The following DLG2 variants were observed in gnomAD, a reference collection of about 807,000 sequenced individuals.
DLG2 encodes discs large MAGUK scaffold protein 2, also known as disks large homolog 2.
A neutral mutation model predicts 132.5 loss-of-function variants in DLG2; 45 were observed. The ratio of observed to expected loss-of-function variants is 0.34; its 90% CI spans 0.27 to 0.44. The LOEUF is 0.44. Ranked by LOEUF, DLG2 falls within the 20% of genes least tolerant of loss-of-function variation. The pLI is 1.00. For synonymous variants in DLG2, 424 were observed against 419.6 expected (o/e 1.01, Z -0.13); for missense variants, 1,045 against 1,196.9 (o/e 0.87, Z 1.87).
intron 6 of DLG2, among the ~76,000 whole-genome samples, chr11:85,007,664 CAAAAAAAAAAA>C (rs57188165): frequency 1.1e-5 from 1 of 88,532 alleles, no homozygotes; most frequent in Non-Finnish European, 2.2e-5. Flanking sequence ...GACTCCGTCT[CAAAAAAAAAAA>C]AAAAAAAAAA....
At chr11:85,064,711 T>C (rs2064641132) in intron 6 of DLG2, among the ~76,000 whole-genome samples, 1 of 151,672 alleles carries the variant, frequency 6.6e-6, no homozygotes, top group Non-Finnish European at 1.5e-5. Context: ...ATGATTAGCA[T>C]TCAGAATCAG....
intron 6 of DLG2, among the ~76,000 whole-genome samples, chr11:84,655,447 A>G (rs957541853): frequency 6.6e-6 from 1 of 152,166 alleles, no homozygotes; most frequent in African/African-American, 2.4e-5. Context: ...ATCCTGAGTG[A>G]TTTACTAGAG....
At chr11:84,934,546 T>TTTTTTTTTTTTTTG (rs1183459468) in intron 6 of DLG2, among the ~76,000 whole-genome samples, 8 of 128,724 alleles carry the variant, frequency 6.2e-5, no homozygotes, top group Non-Finnish European at 1.1e-4. Context: ...TTTTTTTTTT[T>TTTTTTTTTTTTTTG]GGTGGGTAGG....
intron 3 of DLG2, 70 bp from the exon 4 acceptor site, chr11:85,285,435 T>G: frequency 7.0e-7 from 1 of 1,425,406 alleles, no homozygotes; most frequent in Non-Finnish European, 9.6e-7. Context: ...TGCATATATG[T>G]CCATATATAG....
At chr11:84,157,075 A>G (rs973128706) in intron 9 of DLG2, among the ~76,000 whole-genome samples, 2 of 152,108 alleles carry the variant, frequency 1.3e-5, no homozygotes, top group Non-Finnish European at 2.9e-5. Flanking sequence ...TAGTGACAGG[A>G]ATAAAAAAAC....
At chr11:84,312,635 G>A (rs1387878293) in intron 7 of DLG2, among the ~76,000 whole-genome samples, 1 of 151,986 alleles carries the variant, frequency 6.6e-6, no homozygotes, top group African/African-American at 2.4e-5. Context: ...AGCACTCTCT[G>A]AAATTTTGCT....
chr11:84,928,137 G>A (rs2047624102), intron 6 of DLG2, among the ~76,000 whole-genome samples: 4 of 151,908 alleles, frequency 2.6e-5, no homozygotes. Context: ...TGTTGTAAAT[G>A]AGATAATTTT....
At chr11:83,621,667 T>G (rs889575739) in intron 19 of DLG2, among the ~76,000 whole-genome samples, 1 of 152,118 alleles carries the variant, frequency 6.6e-6, no homozygotes, top group African/African-American at 2.4e-5. Context: ...ATATGCTTAA[T>G]TTGTAAAAAA....
At chr11:85,615,718 T>C (rs1176346771) in intron 2 of DLG2, among the ~76,000 whole-genome samples, 2 of 152,196 alleles carry the variant, frequency 1.3e-5, no homozygotes, top group Non-Finnish European at 1.5e-5. Flanking sequence ...TTTAGCATCT[T>C]TGGAGGAGAA....
chr11:84,608,567 A>G (rs1242117161), intron 6 of DLG2, among the ~76,000 whole-genome samples: 1 of 152,160 alleles, frequency 6.6e-6, no homozygotes, highest in East Asian at 1.9e-4. Context: ...AAATTTGGAA[A>G]GTTGGCAAGG....
intron 6 of DLG2, among the ~76,000 whole-genome samples, chr11:84,564,073 G>C (rs755498261): frequency 6.6e-6 from 1 of 152,190 alleles, no homozygotes; most frequent in South Asian, 2.1e-4. Context: ...GGAAAAGAAA[G>C]AAGTCAGATG....
At chr11:84,519,955 A>G (rs2099290262) in intron 7 of DLG2, among the ~76,000 whole-genome samples, 1 of 152,174 alleles carries the variant, frequency 6.6e-6, no homozygotes, top group Non-Finnish European at 1.5e-5. Flanking sequence ...GAAAGGGGTC[A>G]TAGTTTTTCA....
At chr11:84,539,703 G>A (rs779352442) in intron 6 of DLG2, among the ~76,000 whole-genome samples, 2 of 152,132 alleles carry the variant, frequency 1.3e-5, no homozygotes, top group Non-Finnish European at 2.9e-5. Context: ...AGCATGGAAG[G>A]TACGTTAAAG....
chr11:85,579,639 G>A, intron 3 of DLG2, among the ~76,000 whole-genome samples: 1 of 152,216 alleles, frequency 6.6e-6, no homozygotes, highest in South Asian at 2.1e-4. Flanking sequence ...CATGATATGG[G>A]GTAGCTTCAG....
intron 6 of DLG2, among the ~76,000 whole-genome samples, chr11:84,967,730 T>A (rs1193598652): frequency 6.6e-6 from 1 of 152,100 alleles, no homozygotes; most frequent in Non-Finnish European, 1.5e-5. Flanking sequence ...AATGTTATAT[T>A]TCCATGATTG....
chr11:83,507,418 C>T (rs1463440326), intron 21 of DLG2, among the ~76,000 whole-genome samples: 1 of 147,916 alleles, frequency 6.8e-6, no homozygotes, highest in Non-Finnish European at 1.5e-5. Context: ...TATATACACA[C>T]ATACATATAT....
chr11:84,268,325 T>G (rs1434052928), intron 7 of DLG2, among the ~76,000 whole-genome samples: 1 of 152,142 alleles, frequency 6.6e-6, no homozygotes, highest in Non-Finnish European at 1.5e-5. Flanking sequence ...TGCAATATAG[T>G]TTTCTTGGTT....
At chr11:85,390,212 A>C (rs2086679469) in intron 3 of DLG2, among the ~76,000 whole-genome samples, 1 of 152,140 alleles carries the variant, frequency 6.6e-6, no homozygotes, top group Admixed American at 6.5e-5. Context: ...CTATTCTTAC[A>C]TCAGACAAAA....
At chr11:85,255,063 A>G (rs2076600708) in intron 4 of DLG2, among the ~76,000 whole-genome samples, 1 of 152,100 alleles carries the variant, frequency 6.6e-6, no homozygotes, top group Admixed American at 6.6e-5. Context: ...ATAATTTTAT[A>G]AAATTGAATC....
Sources: gnomAD v4.1 joint callset for allele counts (sites outside exome capture counted in the v4.1 genomes callset) on GRCh38, gnomAD v4.1.1 for gene constraint, MANE v1.5 for transcripts, NCBI Gene and HGNC (gene_info 2026-07-23, HGNC 2026-07-21) for gene names.